Variants in CDH13 observed in about 807,000 individuals in gnomAD.
The protein encoded by CDH13 is cadherin 13, also known as cadherin-13.
CDH13 carries 24 observed loss-of-function variants against 63.8 expected under a neutral mutation model. The observed-to-expected ratio is 0.38, with a 90% CI of 0.27 to 0.53. The LOEUF is 0.53. Among genes scored for constraint, CDH13 ranks in the 20% least tolerant of loss-of-function variants. CDH13 has a pLI of 0.85. For missense variants in CDH13, 1,049 were observed against 903.1 expected, an observed-to-expected ratio of 1.16 and a Z score of -2.07; for synonymous variants, 503 against 355.3, an observed-to-expected ratio of 1.42 and a Z score of -4.67.
intron 10 of CDH13, among the ~76,000 whole-genome samples, chr16:83,703,460 T>A (rs184279231): frequency 1.2e-4 from 19 of 152,338 alleles, no homozygotes; most frequent in Non-Finnish European, 2.6e-4. Context: ...TGATTAAAAT[T>A]TTTGAAGCCA....
intron 1 of CDH13, among the ~76,000 whole-genome samples, chr16:82,672,070 A>G (rs1442462520): frequency 6.6e-6 from 1 of 152,142 alleles, no homozygotes; most frequent in Non-Finnish European, 1.5e-5. Context: ...CTTGCTTTTC[A>G]ATATGGAAGT....
chr16:82,821,786 A>C (rs1484342075), intron 1 of CDH13, among the ~76,000 whole-genome samples: 1 of 152,172 alleles, frequency 6.6e-6, no homozygotes, highest in East Asian at 1.9e-4. Flanking sequence ...CTGAACCTCA[A>C]ATGAAGTGTA....
At chr16:83,581,701 C>T (rs879577061) in intron 7 of CDH13, among the ~76,000 whole-genome samples, 2 of 152,118 alleles carry the variant, frequency 1.3e-5, no homozygotes, top group African/African-American at 4.8e-5. Flanking sequence ...CCCTTGTAGT[C>T]CCAGCTGCTA....
At chr16:83,287,780 T>A (rs1199821768) in intron 5 of CDH13, among the ~76,000 whole-genome samples, 7 of 152,174 alleles carry the variant, frequency 4.6e-5, no homozygotes, top group Admixed American at 4.6e-4. Context: ...TCCTGGTCCA[T>A]GAAAAAATTG....
chr16:83,339,022 G>T (rs1014877281), intron 5 of CDH13, among the ~76,000 whole-genome samples: 8 of 152,150 alleles, frequency 5.3e-5, no homozygotes, highest in African/African-American at 1.9e-4. Flanking sequence ...ATGGTGGCAG[G>T]CAGTCATGGC....
intron 3 of CDH13, among the ~76,000 whole-genome samples, chr16:83,119,707 G>A (rs1239901396): frequency 6.6e-6 from 1 of 152,116 alleles, no homozygotes; most frequent in African/African-American, 2.4e-5. Context: ...TACACCACAC[G>A]CACAAACACA....
intron 5 of CDH13, among the ~76,000 whole-genome samples, chr16:83,333,492 T>C (rs1406200565): frequency 6.6e-6 from 1 of 152,144 alleles, no homozygotes; most frequent in African/African-American, 2.4e-5. Context: ...CTCTTTGGAC[T>C]ACCTTTGAAA....
rs575475808 is a variant in CDH13, at chr16:82,822,022, T to C, written c.46-36340T>C. Among the ~76,000 whole-genome samples the C allele has an allele frequency of 2.6e-5, 4 of 152,298 alleles. No individual in the cohort carries two copies. In the East Asian group the frequency reaches 7.7e-4, roughly 29 times the overall value. On this transcript the variant is annotated intron_variant, in intron 1 of 13. Coordinates refer to ENST00000567109, the MANE Select transcript of CDH13 (RefSeq NM_001257.5). ...TCTTCCTTAGTAATGCCTATGGCTA[T>C]TGGGTATTGAGTTCTTACTACAGGA...
At chr16:83,669,771 A>T (rs574173241) in intron 8 of CDH13, among the ~76,000 whole-genome samples, 1 of 152,334 alleles carries the variant, frequency 6.6e-6, no homozygotes, top group South Asian at 2.1e-4. Context: ...GCTTTTTGAT[A>T]TCACCTTACT....
At chr16:83,232,967 A>G (rs2040046256) in intron 5 of CDH13, among the ~76,000 whole-genome samples, 1 of 152,104 alleles carries the variant, frequency 6.6e-6, no homozygotes, top group Non-Finnish European at 1.5e-5. Context: ...AATGATGCTG[A>G]TGTTGTCTGA....
intron 2 of CDH13, among the ~76,000 whole-genome samples, chr16:82,991,868 C>T (rs1031614311): frequency 6.6e-6 from 1 of 151,770 alleles, no homozygotes; most frequent in Non-Finnish European, 1.5e-5. Flanking sequence ...TTAACAAAAC[C>T]GCTTCACATC....
Position 83,648,253 on chromosome 16 carries a change from A to G in CDH13, c.1102-22537A>G, listed in dbSNP as rs556366660. Among the ~76,000 whole-genome samples, 4 of 152,316 alleles carry G rather than the reference A, an allele frequency of 2.6e-5. No individual in the cohort carries two copies. In the South Asian group the frequency reaches 6.2e-4, roughly 24 times the overall value. On this transcript the variant is annotated intron_variant, in intron 8 of 13. Transcript: ENST00000567109. The stretch of plus-strand genomic sequence containing the variant: ...GTTCTCAGAGTCACATGTGTATTTT[A>G]CATGCAAGAACAAGCCAGTGGGTGG...
At chr16:82,923,117 G>A (rs1392002554) in intron 2 of CDH13, among the ~76,000 whole-genome samples, 1 of 152,176 alleles carries the variant, frequency 6.6e-6, no homozygotes, top group African/African-American at 2.4e-5. Context: ...GGCGCCAATA[G>A]ACTTGCTCAA....
intron 7 of CDH13, among the ~76,000 whole-genome samples, chr16:83,515,204 G>A (rs1387136184): frequency 6.6e-6 from 1 of 152,162 alleles, no homozygotes; most frequent in Non-Finnish European, 1.5e-5. Context: ...TCATGCCTCA[G>A]CTGGGTGGTG....
intron 6 of CDH13, among the ~76,000 whole-genome samples, chr16:83,353,869 C>A (rs1245576746): frequency 6.6e-6 from 1 of 152,204 alleles, no homozygotes; most frequent in African/African-American, 2.4e-5. Flanking sequence ...AATAGCCCTG[C>A]CCACTAATTT....
chr16:83,162,950 G>A (rs889137711), intron 4 of CDH13, among the ~76,000 whole-genome samples: 5 of 152,038 alleles, frequency 3.3e-5, no homozygotes, highest in East Asian at 1.9e-4. Flanking sequence ...GTGTCCCCAC[G>A]TAAATCTCAT....
intron 2 of CDH13, among the ~76,000 whole-genome samples, chr16:82,913,429 A>C (rs2041894743): frequency 6.6e-6 from 1 of 152,114 alleles, no homozygotes; most frequent in Admixed American, 6.5e-5. Context: ...TCTAGGTCTG[A>C]TACCTGCCCC....
chr16:82,738,126 C>G (rs1010633259), intron 1 of CDH13, among the ~76,000 whole-genome samples: 3 of 152,214 alleles, frequency 2.0e-5, no homozygotes, highest in Admixed American at 2.0e-4. Context: ...GGTTTCATGA[C>G]AGTCTGTCCT....
intron 10 of CDH13, among the ~76,000 whole-genome samples, chr16:83,744,998 T>C (rs1397232051): frequency 6.6e-6 from 1 of 152,168 alleles, no homozygotes; most frequent in Non-Finnish European, 1.5e-5. Context: ...TAGCCAATGA[T>C]CTTGGCAAAG....
Sources: gnomAD v4.1 joint callset for allele counts (sites outside exome capture counted in the v4.1 genomes callset) on GRCh38, gnomAD v4.1.1 for gene constraint, MANE v1.5 for transcripts, NCBI Gene and HGNC (gene_info 2026-07-23, HGNC 2026-07-21) for gene names.